Variants in LRBA observed in about 807,000 individuals in gnomAD.
The protein encoded by LRBA is LPS responsive beige-like anchor protein, also known as lipopolysaccharide-responsive and beige-like anchor protein.
Under a neutral mutation model 330.0 loss-of-function variants are expected in LRBA, and 176 were observed. The observed-to-expected ratio is 0.53, with a 90% CI of 0.47 to 0.60. LRBA has a LOEUF of 0.60. Ranked by LOEUF, LRBA falls within the 20% of genes least tolerant of loss-of-function variation. The pLI is 0.00. For missense variants in LRBA, 3,259 were observed against 3,444.8 expected (o/e 0.95, Z 1.35); for synonymous variants, 1,230 against 1,193.0 (o/e 1.03, Z -0.64).
At chr4:150,537,326 C>G (rs1268644183) in intron 40 of LRBA, among the ~76,000 whole-genome samples, 2 of 152,094 alleles carry the variant, frequency 1.3e-5, no homozygotes, top group Non-Finnish European at 2.9e-5. Flanking sequence ...AAAATTAACT[C>G]AAGATAGATG....
intron 2 of LRBA, among the ~76,000 whole-genome samples, chr4:150,997,262 C>T (rs1054578290): frequency 2.6e-5 from 4 of 152,244 alleles, no homozygotes; most frequent in East Asian, 3.9e-4. Flanking sequence ...TTCTGAAATA[C>T]TTTATGTAAA....
At chr4:150,404,451 A>G (rs1401613277) in intron 47 of LRBA, among the ~76,000 whole-genome samples, 2 of 152,180 alleles carry the variant, frequency 1.3e-5, no homozygotes, top group Admixed American at 1.3e-4. Context: ...GCTTTAGGGT[A>G]TCATTTGGCT....
At chr4:150,422,849 C>T (rs1016738818) in intron 46 of LRBA, 39 of 1,364,904 alleles carry the variant, frequency 2.9e-5, no homozygotes, top group Middle Eastern at 1.8e-4. Context: ...TACTGAACTC[C>T]ACCACGTGAT....
At chr4:150,378,126 C>T (rs926389663) in intron 47 of LRBA, among the ~76,000 whole-genome samples, 4 of 152,100 alleles carry the variant, frequency 2.6e-5, no homozygotes, top group African/African-American at 7.2e-5. Flanking sequence ...GTTCATCAGA[C>T]GTAAATAGAT....
intron 30 of LRBA, among the ~76,000 whole-genome samples, chr4:150,822,051 G>C (rs1470429699): frequency 2.6e-5 from 4 of 151,802 alleles, no homozygotes; most frequent in Admixed American, 2.0e-4. Context: ...ACTAGCCCAA[G>C]GCAGCATGAA....
chr4:150,882,049 G>A (rs1219080140), intron 17 of LRBA, among the ~76,000 whole-genome samples: 2 of 151,746 alleles, frequency 1.3e-5, no homozygotes, highest in East Asian at 1.9e-4. Context: ...TGGAGCCATT[G>A]CACTCCAGCC....
At chr4:150,826,861 AC>A (rs1746354933) in intron 30 of LRBA, among the ~76,000 whole-genome samples, 1 of 152,226 alleles carries the variant, frequency 6.6e-6, no homozygotes, top group Non-Finnish European at 1.5e-5. Flanking sequence ...GAAGGATTAT[AC>A]CACTGAGGAT....
At chr4:150,458,705 T>C (rs922632551) in intron 44 of LRBA, among the ~76,000 whole-genome samples, 3 of 151,978 alleles carry the variant, frequency 2.0e-5, no homozygotes, top group Non-Finnish European at 4.4e-5. Context: ...TCTTGTTTTA[T>C]GATTATTCAC....
intron 47 of LRBA, among the ~76,000 whole-genome samples, chr4:150,414,973 G>A (rs1326207669): frequency 2.0e-5 from 3 of 152,172 alleles, no homozygotes; most frequent in African/African-American, 7.2e-5. Flanking sequence ...CAAATTCAAT[G>A]TGCTTTTAAG....
intron 52 of LRBA, among the ~76,000 whole-genome samples, chr4:150,306,949 G>T (rs1338164427): frequency 6.6e-6 from 1 of 151,364 alleles, no homozygotes; most frequent in Non-Finnish European, 1.5e-5. Context: ...GAAAAATGGG[G>T]ATAAGACACC....
intron 31 of LRBA, among the ~76,000 whole-genome samples, chr4:150,811,033 C>T (rs1743646683): frequency 6.6e-6 from 1 of 152,134 alleles, no homozygotes; most frequent in South Asian, 2.1e-4. Flanking sequence ...CATTTTTTCA[C>T]CCTTTGGTAT....
intron 45 of LRBA, among the ~76,000 whole-genome samples, chr4:150,436,196 G>A (rs1751085629): frequency 6.6e-6 from 1 of 152,164 alleles, no homozygotes; most frequent in Admixed American, 6.5e-5. Context: ...TAGGATTTAT[G>A]TCTGCCTGTA....
intron 36 of LRBA, among the ~76,000 whole-genome samples, chr4:150,702,529 G>C (rs1015409557): frequency 1.3e-5 from 2 of 152,168 alleles, no homozygotes; most frequent in Middle Eastern, 3.4e-3. Flanking sequence ...AATATTACAA[G>C]CTACAGATTT....
At position 150,840,998 on chromosome 4, in the gene LRBA, C is replaced by T. The variant is rs183771909; in HGVS notation, c.4569+3102G>A. 8 of 1,255,420 alleles carry T rather than the reference C, an allele frequency of 6.4e-6. No individual in the cohort carries two copies. In the East Asian group the frequency reaches 1.8e-4, roughly 28 times the overall value. The allele number at this position is 1,255,420 out of a possible 1,614,324, so 77.8% of individuals were successfully genotyped here. A position where few individuals can be genotyped will look rare whatever the true frequency, so the allele number is the denominator to read the frequency against. ...GCAATTCTTTGACATATTTGTGATC[C>T]GTGATCTGACAAAATCTATGATATT... is the stretch of plus-strand genomic sequence containing the variant. On this transcript the variant is annotated intron_variant, in intron 28 of 56. Coordinates refer to ENST00000651943, the MANE Select transcript of LRBA (RefSeq NM_001364905.1).
intron 22 of LRBA, among the ~76,000 whole-genome samples, chr4:150,862,529 T>C (rs1480130600): frequency 6.6e-6 from 1 of 151,814 alleles, no homozygotes; most frequent in African/African-American, 2.4e-5. Context: ...GGGCCTGTCA[T>C]GGGGTGGGGG....
At chr4:150,287,934 A>G (rs568074745) in intron 53 of LRBA, among the ~76,000 whole-genome samples, 1 of 152,336 alleles carries the variant, frequency 6.6e-6, no homozygotes, top group South Asian at 2.1e-4. Flanking sequence ...TTTTAAAGAA[A>G]TAAAGCAAAT....
At chr4:150,828,775 T>G (rs973688642) in intron 29 of LRBA, among the ~76,000 whole-genome samples, 154 bp from the exon 30 acceptor site, 1 of 152,150 alleles carries the variant, frequency 6.6e-6, no homozygotes, top group African/African-American at 2.4e-5. Context: ...TTCTACAGAA[T>G]GTACTGAGTG....
intron 22 of LRBA, among the ~76,000 whole-genome samples, chr4:150,855,026 G>A (rs1353938641): frequency 6.6e-6 from 1 of 152,192 alleles, no homozygotes; most frequent in Non-Finnish European, 1.5e-5. Flanking sequence ...AGGAGTCCAA[G>A]GTGGGCAGAT....
At chr4:150,908,563 G>A (rs1235758218) in intron 10 of LRBA, 96 bp from the exon 11 acceptor site, 12 of 1,436,366 alleles carry the variant, frequency 8.4e-6, no homozygotes, top group East Asian at 4.6e-5. Context: ...CACTATAAAC[G>A]TGACATTCCA....
Sources: gnomAD v4.1 joint callset for allele counts (sites outside exome capture counted in the v4.1 genomes callset) on GRCh38, gnomAD v4.1.1 for gene constraint, MANE v1.5 for transcripts, NCBI Gene and HGNC (gene_info 2026-07-23, HGNC 2026-07-21) for gene names.